The following SAMD12 variants were observed in gnomAD, a reference collection of about 807,000 sequenced individuals.
SAMD12 encodes sterile alpha motif domain containing 12.
A neutral mutation model predicts 15.0 loss-of-function variants in SAMD12; 9 were observed. That is an observed-to-expected ratio of 0.60 (90% CI 0.36 to 1.05). The LOEUF (loss-of-function observed/expected upper bound fraction) is 1.05, where lower values mean the gene tolerates loss of function less well. Ranked by LOEUF, SAMD12 falls within the 50% of genes least tolerant of loss-of-function variation. The pLI is 0.01. For synonymous variants in SAMD12, 86 were observed against 90.1 expected (o/e 0.96, Z 0.25); for missense variants, 230 against 234.2 (o/e 0.98, Z 0.12).
chr8:118,486,584 C>A (rs189122035), intron 2 of SAMD12, among the ~76,000 whole-genome samples: 2 of 152,076 alleles, frequency 1.3e-5, no homozygotes, highest in Admixed American at 6.6e-5. Flanking sequence ...CTTCCAGAGC[C>A]TCCAGAAAGG....
intron 4 of SAMD12, among the ~76,000 whole-genome samples, chr8:118,247,953 G>T (rs766252865): frequency 2.6e-5 from 4 of 152,110 alleles, no homozygotes; most frequent in African/African-American, 9.7e-5. Context: ...CTTATTGGGG[G>T]TATTAATTCA....
chr8:118,179,877 G>A, the SAMD12 span, among the ~76,000 whole-genome samples: 4 of 152,226 alleles, frequency 2.6e-5, no homozygotes, highest in African/African-American at 9.6e-5. Context: ...AACAGCAAAA[G>A]GCCACGAGGC....
chr8:118,306,113 GA>G (rs1308637771), intron 4 of SAMD12, among the ~76,000 whole-genome samples: 1 of 152,096 alleles, frequency 6.6e-6, no homozygotes, highest in East Asian at 1.9e-4. Flanking sequence ...CCTCAGTTTT[GA>G]AGTTTCAATA....
At chr8:118,345,131 A>G (rs1817570988) in intron 4 of SAMD12, among the ~76,000 whole-genome samples, 1 of 152,152 alleles carries the variant, frequency 6.6e-6, no homozygotes, top group Admixed American at 6.6e-5. Flanking sequence ...TTTATCCTGC[A>G]TTTATACTCT....
rs950988247 is a variant in SAMD12 at position 118,491,298 on chromosome 8, G to T, written c.193-51337C>A. ...TGCTTAAATGCCACCTCTCTCAGGAGATCTAACATCCTTTAGGTGTTTCTC... is the reference window on the plus strand; with the variant it reads ...TGCTTAAATGCCACCTCTCTCAGGATATCTAACATCCTTTAGGTGTTTCTC... On this transcript the variant is annotated intron_variant, in intron 2 of 3. Coordinates refer to ENST00000314727, the MANE Select transcript of SAMD12 (RefSeq NM_207506.3). Among the ~76,000 whole-genome samples the T allele has an allele frequency of 3.5e-4, 53 of 152,144 alleles. 1 individual carries two copies. The highest frequency in any genetic ancestry group is 2.9e-5 in the Non-Finnish European group (2 of 68,022).
exon 5 of SAMD12, chr8:118,195,699 G>T (rs2514742): frequency 0.55 from 84,224 of 152,206 alleles, 24,216 homozygotes; most frequent in Non-Finnish European, 0.63. Context: ...TGATAATGTT[G>T]GGGAGGAGGA....
At chr8:118,503,483 A>C (rs576857548) in intron 2 of SAMD12, among the ~76,000 whole-genome samples, 5 of 152,316 alleles carry the variant, frequency 3.3e-5, no homozygotes, top group Admixed American at 2.6e-4. Flanking sequence ...TCTAAGGTTC[A>C]TCCCGCCAAG....
intron 4 of SAMD12, among the ~76,000 whole-genome samples, chr8:118,346,608 G>C (rs1817669616): frequency 6.6e-6 from 1 of 152,180 alleles, no homozygotes; most frequent in Non-Finnish European, 1.5e-5. Context: ...TAATTTTCTG[G>C]ATGTGACAGG....
chr8:118,469,527 TATATTATATATATTATATTATTATATATA>T, intron 2 of SAMD12, among the ~76,000 whole-genome samples: 1 of 2,376 alleles, frequency 4.2e-4, no homozygotes, highest in East Asian at 3.3e-3. Context: ...ATATATATAA[TATATTATATATATTATATTATTATATATA>T]ATATATTATA....
intron 2 of SAMD12, among the ~76,000 whole-genome samples, chr8:118,498,063 T>C (rs1304007295): frequency 8.5e-5 from 13 of 152,116 alleles, no homozygotes; most frequent in Admixed American, 8.5e-4. Flanking sequence ...AGCAGATAAT[T>C]AACGAACTGA....
intron 2 of SAMD12, among the ~76,000 whole-genome samples, chr8:118,447,506 T>C (rs1298471597): frequency 1.3e-5 from 2 of 151,894 alleles, no homozygotes; most frequent in Admixed American, 6.5e-5. Flanking sequence ...GGTTTCACCA[T>C]GTTGGCCAGG....
At chr8:118,220,517 TTTAG>T (rs1374278420) in intron 4 of SAMD12, among the ~76,000 whole-genome samples, 4 of 152,300 alleles carry the variant, frequency 2.6e-5, no homozygotes, top group African/African-American at 9.6e-5. Context: ...TTCCCAAGAA[TTTAG>T]TTAATCACTA....
At chr8:118,183,354 G>C in the SAMD12 span, among the ~76,000 whole-genome samples, 8 of 152,166 alleles carry the variant, frequency 5.3e-5, no homozygotes, top group African/African-American at 1.9e-4. Context: ...GAAATTTCTT[G>C]AATCCACTGA....
intron 4 of SAMD12, among the ~76,000 whole-genome samples, chr8:118,372,617 G>C (rs1819162875): frequency 1.3e-5 from 2 of 151,942 alleles, no homozygotes; most frequent in African/African-American, 4.8e-5. Context: ...ATAAAAATCA[G>C]TGTTTATAAT....
intron 2 of SAMD12, among the ~76,000 whole-genome samples, chr8:118,530,030 C>T (rs1825641419): frequency 6.6e-6 from 1 of 152,148 alleles, no homozygotes; most frequent in Non-Finnish European, 1.5e-5. Context: ...TCTGCATCCT[C>T]CCCAACATCT....
chr8:118,451,928 T>C (rs1823096355), intron 2 of SAMD12, among the ~76,000 whole-genome samples: 1 of 152,156 alleles, frequency 6.6e-6, no homozygotes, highest in African/African-American at 2.4e-5. Flanking sequence ...AATATCTCTG[T>C]CTCCCCAAAA....
At chr8:118,605,536 G>C (rs973916642) in intron 1 of SAMD12, among the ~76,000 whole-genome samples, 2 of 151,916 alleles carry the variant, frequency 1.3e-5, no homozygotes, top group African/African-American at 4.8e-5. Context: ...CTGAACTTGG[G>C]TTTGAATTCT....
intron 3 of SAMD12, among the ~76,000 whole-genome samples, chr8:118,381,984 G>T (rs950803888): frequency 2.6e-5 from 4 of 152,178 alleles, no homozygotes; most frequent in African/African-American, 9.6e-5. Flanking sequence ...GAGCCTGAGT[G>T]CCTGGCTTGC....
At chr8:118,490,780 G>A (rs1824420089) in intron 2 of SAMD12, among the ~76,000 whole-genome samples, 2 of 152,110 alleles carry the variant, frequency 1.3e-5, no homozygotes, top group Non-Finnish European at 2.9e-5. Flanking sequence ...CCTAGAGAAG[G>A]CCTCCAGAAA....
Sources: gnomAD v4.1 joint callset for allele counts (sites outside exome capture counted in the v4.1 genomes callset) on GRCh38, gnomAD v4.1.1 for gene constraint, MANE v1.5 for transcripts, NCBI Gene and HGNC (gene_info 2026-07-23, HGNC 2026-07-21) for gene names.